The following PCTP variants were observed in gnomAD, a reference collection of about 807,000 sequenced individuals.
PCTP encodes phosphatidylcholine transfer protein, also known as START domain-containing protein 2.
In PCTP, 27 loss-of-function variants were observed where a neutral mutation model predicts 31.0. The observed-to-expected ratio is 0.87, with a 90% CI of 0.64 to 1.20. The LOEUF is 1.20. PCTP is among the 50% of genes most tolerant of loss of function. The probability of loss-of-function intolerance (pLI) is 0.00; values close to 1 mark genes in which losing one functional copy is unlikely to be tolerated. For missense variants in PCTP, 287 were observed against 268.2 expected (o/e 1.07, Z -0.49); for synonymous variants, 108 against 101.2 (o/e 1.07, Z -0.40).
intron 3 of PCTP, among the ~76,000 whole-genome samples, chr17:55,802,397 C>T (rs7219267): frequency 1.3e-5 from 2 of 151,888 alleles, no homozygotes; most frequent in South Asian, 2.1e-4. Flanking sequence ...ACCAAAACCT[C>T]GCAGAGACAG....
At chr17:55,794,461 T>A (rs561674970) in intron 3 of PCTP, among the ~76,000 whole-genome samples, 43 of 152,136 alleles carry the variant, frequency 2.8e-4, no homozygotes, top group Middle Eastern at 3.4e-3. Context: ...TGTTTTTTTT[T>A]AAATTTTCTC....
intron 2 of PCTP, among the ~76,000 whole-genome samples, chr17:55,783,856 C>T (rs12939171): frequency 0.14 from 21,566 of 152,122 alleles, 1,596 homozygotes; most frequent in Middle Eastern, 0.19. Context: ...ACTTCAGCGA[C>T]GGTGCCGAGT....
chr17:55,836,051 A>G (rs1270516319), intron 5 of PCTP, among the ~76,000 whole-genome samples: 3 of 152,220 alleles, frequency 2.0e-5, no homozygotes, highest in Non-Finnish European at 4.4e-5. Flanking sequence ...TAGATTCTTT[A>G]TTCTTCTGTG....
intron 5 of PCTP, among the ~76,000 whole-genome samples, chr17:55,833,138 T>A (rs188379219): frequency 5.3e-5 from 8 of 152,234 alleles, no homozygotes; most frequent in Admixed American, 5.2e-4. Flanking sequence ...GCAGGAGCAA[T>A]ATTTGAGCAA....
chr17:55,780,282 A>G (rs1911515345), downstream of PCTP, among the ~76,000 whole-genome samples: 1 of 152,310 alleles, frequency 6.6e-6, no homozygotes, highest in East Asian at 1.9e-4. Context: ...AGATATAATA[A>G]TGGAACAACA....
chr17:55,827,847 G>A (rs559771766), downstream of PCTP, among the ~76,000 whole-genome samples: 5 of 150,606 alleles, frequency 3.3e-5, no homozygotes, highest in African/African-American at 1.2e-4. Context: ...TCAGAGAGAG[G>A]ACCTGCAGGA....
chr17:55,770,492 A>G (rs952624690), intron 2 of PCTP: 3 of 151,968 alleles, frequency 2.0e-5, no homozygotes, highest in African/African-American at 7.3e-5. Context: ...ACCTCTGACT[A>G]TTTTTTTGAT....
chr17:55,815,012 G>C (rs747195912), intron 3 of PCTP, among the ~76,000 whole-genome samples: 1 of 152,170 alleles, frequency 6.6e-6, no homozygotes, highest in African/African-American at 2.4e-5. Context: ...AGGAAGAAAA[G>C]AGGCCCACAC....
At chr17:55,838,845 A>T (rs1905862839) in intron 5 of PCTP, among the ~76,000 whole-genome samples, 1 of 152,164 alleles carries the variant, frequency 6.6e-6, no homozygotes, top group Non-Finnish European at 1.5e-5. Context: ...GAGCTATTTA[A>T]CCTATCCAGT....
intron 3 of PCTP, among the ~76,000 whole-genome samples, chr17:55,815,357 C>T (rs954645031): frequency 2.0e-5 from 3 of 152,108 alleles, no homozygotes; most frequent in African/African-American, 7.2e-5. Flanking sequence ...ATTAATCAAG[C>T]CCACTCCGCT....
At chr17:55,827,695 G>T (rs779045455), downstream of PCTP, among the ~76,000 whole-genome samples, 1 of 152,212 alleles carries the variant, frequency 6.6e-6, no homozygotes, top group African/African-American at 2.4e-5. Flanking sequence ...GGTTAGAGGG[G>T]TTAGAGCATC....
intron 2 of PCTP, 139 bp downstream of exon 2, chr17:55,767,591 AGTAGCTGGGAC>A: frequency 2.0e-6 from 1 of 501,106 alleles, no homozygotes. Flanking sequence ...CAGCCTCCTG[AGTAGCTGGGAC>A]TACAGGCGCC....
chr17:55,815,055 T>C lies in PCTP; in HGVS notation c.318-7706T>C, dbSNP rs187000565. Among the ~76,000 whole-genome samples, 6 of 152,322 alleles carry C rather than the reference T, an allele frequency of 3.9e-5. No homozygotes were observed. In the East Asian group the frequency reaches 1.2e-3, roughly 29 times the overall value. On this transcript the variant is annotated intron_variant, in intron 3 of 3. Coordinates refer to the PCTP transcript ENST00000572536. ...GTAAACTAAGCCTGGAATTCAGGTC[T>C]ACAGCCCAGTAGAATAATCTCTTTG...
Position 55,774,714 on chromosome 17 carries a change from T to C in PCTP, c.512-78T>C, listed in dbSNP as rs116146627. The C allele has an allele frequency of 5.5e-3, 6,575 of 1,193,216 alleles. 34 individuals carry two copies. Among genetic ancestry groups the C allele is most frequent in the African/African-American group, 0.015 (1,008 of 66,586 alleles). 73.9% of individuals were successfully genotyped at this position (1,193,216 alleles called of 1,614,324 possible). The stretch of plus-strand genomic sequence containing the variant: ...GTTTCTGAGCTTGAATATGAAGATA[T>C]AAAGTTTGCACAGTTTTGTTGCTAT... On this transcript the variant is annotated intron_variant, in intron 4 of 5. Coordinates refer to ENST00000268896, the MANE Select transcript of PCTP (RefSeq NM_021213.4).
chr17:55,811,687 T>C (rs1225521070), intron 3 of PCTP, among the ~76,000 whole-genome samples: 3 of 152,246 alleles, frequency 2.0e-5, no homozygotes, highest in African/African-American at 7.2e-5. Flanking sequence ...TCACTGTGGT[T>C]CCAAAACACA....
rs770246423 is a variant in PCTP at position 55,773,905 on chromosome 17, A to C, written c.511+10A>C. 2 of 1,590,594 alleles carry C rather than the reference A, an allele frequency of 1.3e-6. No homozygotes were observed. The highest frequency in any genetic ancestry group is 2.7e-5 in the African/African-American group (2 of 74,508). On this transcript the variant is annotated intron_variant, in intron 4 of 5. Transcript: ENST00000268896. ...AAGAAGGGGAGCAAAGGTAAAACCCATGGTGCCTGTCAGTGCACCCAGCCA... is the reference window on the plus strand; with the variant it reads ...AAGAAGGGGAGCAAAGGTAAAACCCCTGGTGCCTGTCAGTGCACCCAGCCA...
chr17:55,789,930 C>A (rs1026098211), intron 3 of PCTP, among the ~76,000 whole-genome samples: 1 of 152,150 alleles, frequency 6.6e-6, no homozygotes, highest in Non-Finnish European at 1.5e-5. Flanking sequence ...CCGAATCCAG[C>A]AGCACATCAA....
At chr17:55,823,967 T>C (rs751088095), downstream of PCTP, among the ~76,000 whole-genome samples, 20 of 152,202 alleles carry the variant, frequency 1.3e-4, no homozygotes, top group Non-Finnish European at 2.5e-4. Context: ...TGAGACTTAA[T>C]GGCCCCAGAT....
intron 3 of PCTP, among the ~76,000 whole-genome samples, chr17:55,816,251 C>T (rs2145054706): frequency 6.6e-6 from 1 of 152,314 alleles, no homozygotes; most frequent in Admixed American, 6.5e-5. Context: ...TTTTAGCCAA[C>T]ATTCTCCAAT....
Sources: allele counts gnomAD v4.1 joint callset (sites outside exome capture counted in the v4.1 genomes callset), GRCh38; gene constraint gnomAD v4.1.1; transcripts MANE v1.5; gene names NCBI Gene and HGNC (gene_info 2026-07-23, HGNC 2026-07-21).